SMOC2: variants seen among roughly 807,000 people sequenced by gnomAD.
SMOC2 encodes SPARC-related modular calcium-binding protein 2.
SMOC2 carries 39 observed loss-of-function variants against 61.4 expected under a neutral mutation model. The observed-to-expected ratio is 0.64, with a 90% CI of 0.49 to 0.83. The LOEUF is 0.83. Ranked by LOEUF, SMOC2 falls within the 40% of genes least tolerant of loss-of-function variation. SMOC2 has a pLI of 0.00. For missense variants in SMOC2, 556 were observed against 592.9 expected (o/e 0.94, Z 0.65); for synonymous variants, 247 against 239.9 (o/e 1.03, Z -0.27).
chr6:168,648,882 G>A (rs1337955069), intron 9 of SMOC2, among the ~76,000 whole-genome samples: 3 of 152,166 alleles, frequency 2.0e-5, no homozygotes, highest in Non-Finnish European at 2.9e-5. Context: ...AAACCAGGGC[G>A]TCCCTAACTG....
At chr6:168,557,557 C>T (rs765849392) in intron 7 of SMOC2, among the ~76,000 whole-genome samples, 63 of 152,208 alleles carry the variant, frequency 4.1e-4, no homozygotes, top group Non-Finnish European at 8.1e-4. Context: ...TGAGCTCTCG[C>T]CATGAAAGAA....
intron 9 of SMOC2, among the ~76,000 whole-genome samples, chr6:168,634,379 G>A (rs1177923717): frequency 6.6e-6 from 1 of 152,188 alleles, no homozygotes; most frequent in African/African-American, 2.4e-5. Context: ...TGTGCATCAA[G>A]GGTTGGCTGT....
At chr6:168,533,028 T>G (rs967402644) in intron 4 of SMOC2, among the ~76,000 whole-genome samples, 11 of 146,142 alleles carry the variant, frequency 7.5e-5, no homozygotes, top group Non-Finnish European at 1.5e-4. Flanking sequence ...TTTTAATTAC[T>G]AAAGTCTGTG....
chr6:168,557,995 G>A (rs1784287226), intron 7 of SMOC2, among the ~76,000 whole-genome samples: 1 of 152,198 alleles, frequency 6.6e-6, no homozygotes, highest in South Asian at 2.1e-4. Context: ...AGAGCTGCTG[G>A]CCTCTGGGGC....
chr6:168,612,276 AG>A (rs1785896261), intron 9 of SMOC2, among the ~76,000 whole-genome samples: 2 of 104,168 alleles, frequency 1.9e-5, no homozygotes, highest in East Asian at 2.9e-4. Context: ...GATCTCCATC[AG>A]GGGAGAGGGT....
At chr6:168,590,143 G>T (rs79981248) in intron 7 of SMOC2, among the ~76,000 whole-genome samples, 14,391 of 97,158 alleles carry the variant, frequency 0.15, 626 homozygotes, top group South Asian at 0.2. Context: ...GGTGTGGCAT[G>T]AGTTTAGGGG....
intron 7 of SMOC2, among the ~76,000 whole-genome samples, chr6:168,579,968 G>A (rs1784886102): frequency 6.6e-6 from 1 of 152,184 alleles, no homozygotes; most frequent in Admixed American, 6.5e-5. Context: ...AAATGCTGAG[G>A]ACACCGGGGA....
At position 168,626,419 on chromosome 6, in the gene SMOC2, C is replaced by T. The variant is rs1050840478; in HGVS notation, c.907+18180C>T. Among the ~76,000 whole-genome samples the T allele has an allele frequency of 2.6e-5, 4 of 152,304 alleles. No individual in the cohort carries two copies. In the South Asian group the frequency reaches 6.2e-4, roughly 24 times the overall value. On this transcript the variant is annotated intron_variant, in intron 9 of 12. Coordinates refer to ENST00000356284, the MANE Select transcript of SMOC2 (RefSeq NM_001166412.2). Reference sequence around the variant, plus strand: ...ACAGCTCGGATTACTTGAGGTCGTCCAGAGAAGGGGAGACAGCTGCATTTT... The same window carrying T: ...ACAGCTCGGATTACTTGAGGTCGTCTAGAGAAGGGGAGACAGCTGCATTTT...
chr6:168,519,186 CAT>C (rs1562567291), intron 2 of SMOC2, among the ~76,000 whole-genome samples: 5 of 142,982 alleles, frequency 3.5e-5, no homozygotes, highest in South Asian at 2.4e-4. Context: ...AGTATGCGTG[CAT>C]GTGTATGTGT....
In SMOC2 at chr6:168,518,551, TTG is replaced by T. The variant is rs139414569; in HGVS notation, c.257-7790_257-7789del. ...TGGATGTGTGAGAGCGTGTGTATGC[TTG>T]TGTGAGTGCATGTATGTGACAATGC... On this transcript the variant is annotated intron_variant, in intron 2 of 12. Coordinates refer to ENST00000356284, the MANE Select transcript of SMOC2 (RefSeq NM_001166412.2). Among the ~76,000 whole-genome samples, 563 of 148,354 alleles carry T rather than the reference TTG, an allele frequency of 3.8e-3. 6 individuals carry two copies. Among genetic ancestry groups the T allele is most frequent in the East Asian group, 0.033 (163 of 4,880 alleles).
At chr6:168,491,721 A>T (rs1782474302) in intron 1 of SMOC2, among the ~76,000 whole-genome samples, 1 of 151,986 alleles carries the variant, frequency 6.6e-6, no homozygotes, top group Admixed American at 6.6e-5. Context: ...ACAGATACAG[A>T]AGAGCCATTG....
chr6:168,442,747 G>A (rs576213849), intron 1 of SMOC2, among the ~76,000 whole-genome samples: 8 of 152,086 alleles, frequency 5.3e-5, no homozygotes, highest in East Asian at 1.9e-4. Context: ...TTTCTTTTGC[G>A]TTTTAGCAGT....
rs984234383 is a variant in SMOC2, at chr6:168,452,462, C to T, written c.84+11008C>T. ...TGTGAGGTCAGTCCACTTTGTGAGT[C>T]GGGTTTTATTCAAAGCAATCGCTTA... On this transcript the variant is annotated intron_variant, in intron 1 of 12. Transcript: ENST00000356284. The surrounding 1 kb of genome is among the most constrained non-coding windows in gnomAD (Gnocchi z 5.0). Among the ~76,000 whole-genome samples, 1 of 152,072 alleles carries T rather than the reference C, an allele frequency of 6.6e-6. No homozygotes were observed. Among genetic ancestry groups the T allele is most frequent in the Non-Finnish European group, 1.5e-5 (1 of 68,018 alleles).
intron 7 of SMOC2, among the ~76,000 whole-genome samples, chr6:168,556,584 C>T (rs1156248230): frequency 1.4e-5 from 2 of 144,730 alleles, no homozygotes; most frequent in Non-Finnish European, 3.1e-5. Flanking sequence ...CCCCAAAATG[C>T]GCCTTGGGAT....
chr6:168,549,313 TG>T (rs1029277377), intron 7 of SMOC2, 110 bp downstream of exon 7: 1 of 978,562 alleles, frequency 1.0e-6, no homozygotes, highest in Non-Finnish European at 1.6e-6. Context: ...TTGAACAACA[TG>T]GGGGTGAGGG....
chr6:168,488,252 C>G (rs1471542045), intron 1 of SMOC2, among the ~76,000 whole-genome samples: 1 of 152,262 alleles, frequency 6.6e-6, no homozygotes, highest in Non-Finnish European at 1.5e-5. Flanking sequence ...CTTGCAGATG[C>G]AGCTGTCTGC....
chr6:168,600,434 CAAAAAAA>C (rs965875287), intron 8 of SMOC2, among the ~76,000 whole-genome samples: 14 of 25,380 alleles, frequency 5.5e-4, no homozygotes, highest in East Asian at 1.7e-3. Context: ...AAAAAAAAAA[CAAAAAAA>C]AAAACAGTAG....
intron 11 of SMOC2, among the ~76,000 whole-genome samples, chr6:168,658,326 T>A (rs1409599550): frequency 6.6e-6 from 1 of 152,266 alleles, no homozygotes; most frequent in Non-Finnish European, 1.5e-5. Context: ...AACCAGTCTC[T>A]GCATTTCTGT....
chr6:168,480,429 A>G (rs991454712), intron 1 of SMOC2, among the ~76,000 whole-genome samples: 2 of 152,196 alleles, frequency 1.3e-5, no homozygotes, highest in African/African-American at 4.8e-5. Context: ...TAGGAAACCT[A>G]AAAGAAATAA....
Sources: allele counts gnomAD v4.1 joint callset (sites outside exome capture counted in the v4.1 genomes callset), GRCh38; gene constraint gnomAD v4.1.1; non-coding constraint Gnocchi (gnomAD v3.1); transcripts MANE v1.5; gene names NCBI Gene and HGNC (gene_info 2026-07-23, HGNC 2026-07-21).